The following ARHGAP6 variants were observed in gnomAD, a reference collection of about 807,000 sequenced individuals.
ARHGAP6 encodes rho GTPase-activating protein 6.
In ARHGAP6, 16 loss-of-function variants were observed where a neutral mutation model predicts 55.7. That is an observed-to-expected ratio of 0.29 (90% CI 0.19 to 0.44). ARHGAP6 has a LOEUF of 0.44. ARHGAP6 is among the 20% of genes least tolerant of loss of function. ARHGAP6 has a pLI of 1.00. For synonymous variants in ARHGAP6, 382 were observed against 360.9 expected, an observed-to-expected ratio of 1.06 and a Z score of -0.66; for missense variants, 698 against 808.9, an observed-to-expected ratio of 0.86 and a Z score of 1.66.
intron 2 of ARHGAP6, among the ~76,000 whole-genome samples, chrX:11,209,503 G>T (rs2046757848): frequency 8.9e-6 from 1 of 112,274 alleles, no homozygotes; most frequent in Non-Finnish European, 1.9e-5. Flanking sequence ...ATGTTATACA[G>T]AAAAGTGTTT....
At chrX:11,174,382 C>T (rs140924978) in intron 8 of ARHGAP6, among the ~76,000 whole-genome samples, 19 of 111,856 alleles carry the variant, frequency 1.7e-4, no homozygotes, top group Admixed American at 1.1e-3. Flanking sequence ...GTCCTCACCT[C>T]CTCCACCTCT....
chrX:11,615,055 T>C (rs1472077233), intron 1 of ARHGAP6, among the ~76,000 whole-genome samples: 2 of 111,008 alleles, frequency 1.8e-5, no homozygotes, highest in Non-Finnish European at 3.8e-5. Flanking sequence ...GCTTACTCCT[T>C]CTCCCAAGAA....
At chrX:11,569,817 C>G (rs534276228) in intron 1 of ARHGAP6, among the ~76,000 whole-genome samples, 1 of 112,157 alleles carries the variant, frequency 8.9e-6, no homozygotes, top group Admixed American at 9.5e-5. Flanking sequence ...AGGCTTCATT[C>G]CACAGAGGAC....
chrX:11,269,717 G>C (rs1438480569), intron 1 of ARHGAP6, among the ~76,000 whole-genome samples: 2 of 111,920 alleles, frequency 1.8e-5, no homozygotes, highest in African/African-American at 6.5e-5. Context: ...TTAACCATCA[G>C]ACTCTATCTT....
chrX:11,566,794 T>A (rs948537694), intron 1 of ARHGAP6, among the ~76,000 whole-genome samples: 6 of 112,284 alleles, frequency 5.3e-5, no homozygotes, highest in Non-Finnish European at 9.4e-5. Context: ...CAAAAAAGGA[T>A]TGCAAAGCAT....
intron 4 of ARHGAP6, 40 bp from the exon 5 acceptor site, chrX:11,186,471 G>A (rs1346719089): frequency 3.6e-6 from 4 of 1,117,347 alleles, no homozygotes; most frequent in Non-Finnish European, 4.9e-6. Flanking sequence ...AGTACAGATA[G>A]CCAAAAAACC....
chrX:11,289,373 A>G (rs2047958870), intron 1 of ARHGAP6, among the ~76,000 whole-genome samples: 1 of 111,074 alleles, frequency 9.0e-6, no homozygotes, highest in Non-Finnish European at 1.9e-5. Context: ...AACTTCTCGT[A>G]TTTCCCCTGC....
intron 1 of ARHGAP6, among the ~76,000 whole-genome samples, chrX:11,657,580 C>T (rs1361006387): frequency 9.0e-6 from 1 of 110,679 alleles, no homozygotes; most frequent in Non-Finnish European, 1.9e-5. Flanking sequence ...TGTTCTGTTT[C>T]AAACATGTAG....
chrX:11,186,978 A>C (rs954141512), intron 4 of ARHGAP6, among the ~76,000 whole-genome samples: 5 of 111,076 alleles, frequency 4.5e-5, no homozygotes, highest in African/African-American at 1.6e-4. Flanking sequence ...GCAGCTGATG[A>C]AGGGAGCATT....
intron 1 of ARHGAP6, among the ~76,000 whole-genome samples, chrX:11,282,318 T>C (rs1209638095): frequency 8.9e-6 from 1 of 112,091 alleles, no homozygotes; most frequent in Non-Finnish European, 1.9e-5. Flanking sequence ...GCAATATTCC[T>C]GAATAAATCA....
intron 1 of ARHGAP6, among the ~76,000 whole-genome samples, chrX:11,596,588 C>T (rs2051906763): frequency 9.0e-6 from 1 of 111,607 alleles, no homozygotes; most frequent in African/African-American, 3.2e-5. Context: ...TAAAAAAGAA[C>T]TTAGACTACT....
chrX:11,380,497 CA>C (rs2049249952), intron 1 of ARHGAP6, among the ~76,000 whole-genome samples: 1 of 111,818 alleles, frequency 8.9e-6, no homozygotes, highest in African/African-American at 3.3e-5. Context: ...TCAATAGACA[CA>C]GAATGATCTG....
chrX:11,620,004 T>A (rs2052210084), intron 1 of ARHGAP6, among the ~76,000 whole-genome samples: 1 of 112,091 alleles, frequency 8.9e-6, no homozygotes, highest in African/African-American at 3.2e-5. Context: ...TGTAGGACAA[T>A]CTCCTAATTG....
At chrX:11,227,537 A>G (rs1348803485) in intron 2 of ARHGAP6, among the ~76,000 whole-genome samples, 2 of 110,952 alleles carry the variant, frequency 1.8e-5, no homozygotes, top group Non-Finnish European at 3.8e-5. Flanking sequence ...GGGCAATACT[A>G]TCTTCCTAAC....
At chrX:11,166,207 A>G in intron 9 of ARHGAP6, among the ~76,000 whole-genome samples, 1 of 111,390 alleles carries the variant, frequency 9.0e-6, no homozygotes, top group Non-Finnish European at 1.9e-5. Context: ...GAAATGAAGG[A>G]TGTTAGAACA....
At position 11,572,943 on chromosome X, in the gene ARHGAP6, T is replaced by C. The variant is rs757124067; in HGVS notation, c.588+91298A>G. ...TTTGCATTTCTCTGATGGCCAGTGA[T>C]GATACGCATTTTTTCATGTGTCTGT... On this transcript the variant is annotated intron_variant, in intron 1 of 12. Coordinates refer to ENST00000337414, the MANE Select transcript of ARHGAP6 (RefSeq NM_013427.3). Among the ~76,000 whole-genome samples, 7 of 112,564 alleles carry C rather than the reference T, an allele frequency of 6.2e-5. No individual in the cohort carries two copies. The South Asian group carries it at 2.6e-3, about 42-fold the overall frequency.
At chrX:11,637,392 C>A (rs1202446454) in intron 1 of ARHGAP6, among the ~76,000 whole-genome samples, 3 of 111,752 alleles carry the variant, frequency 2.7e-5, no homozygotes, top group Non-Finnish European at 5.7e-5. Flanking sequence ...ACCATTTTCC[C>A]AGCCACTGCT....
rs371976340 is a variant in ARHGAP6 at position 11,288,358 on chromosome X, C to T, written c.589-33651G>A. Among the ~76,000 whole-genome samples the T allele has an allele frequency of 1.4e-4, 16 of 112,166 alleles. No individual in the cohort carries two copies. The South Asian group carries it at 1.5e-3, about 10-fold the overall frequency. On this transcript the variant is annotated intron_variant, in intron 1 of 12. Transcript: ENST00000337414. ...TAGTCGTCATCATCAACTTTATCAT[C>T]GTGGGGCAACACTTACACTATTGTT...
At chrX:11,527,407 T>C (rs1474447473) in intron 1 of ARHGAP6, among the ~76,000 whole-genome samples, 1 of 111,164 alleles carries the variant, frequency 9.0e-6, no homozygotes, top group Admixed American at 9.6e-5. Flanking sequence ...AGGTCAGGAG[T>C]TGGAGACCAG....
Sources: allele counts gnomAD v4.1 joint callset (sites outside exome capture counted in the v4.1 genomes callset), GRCh38; gene constraint gnomAD v4.1.1; transcripts MANE v1.5; gene names NCBI Gene and HGNC (gene_info 2026-07-23, HGNC 2026-07-21).